The following PHACTR2 variants were observed in gnomAD, a reference collection of about 807,000 sequenced individuals.
PHACTR2 encodes phosphatase and actin regulator 2, also known as chromosome 6 open reading frame 56.
In PHACTR2, 30 loss-of-function variants were observed where a neutral mutation model predicts 76.0. The observed-to-expected ratio is 0.39, with a 90% CI of 0.30 to 0.54. The LOEUF is 0.54. PHACTR2 is among the 20% of genes least tolerant of loss of function. The pLI, the probability that PHACTR2 is intolerant of heterozygous loss-of-function variation, is 0.61. For missense variants in PHACTR2, 696 were observed against 781.1 expected (o/e 0.89, Z 1.30); for synonymous variants, 292 against 292.5 (o/e 1.00, Z 0.02).
intron 1 of PHACTR2, among the ~76,000 whole-genome samples, chr6:143,587,521 G>A (rs1434964891): frequency 1.3e-5 from 2 of 152,258 alleles, no homozygotes; most frequent in African/African-American, 4.8e-5. Flanking sequence ...CACTGCAGCC[G>A]CAAGCACTGC....
chr6:143,788,807 C>T lies in PHACTR2; in HGVS notation c.1742C>T (p.Ala581Val). Residue 581 changes from alanine (A) to valine (V), a missense_variant, in exon 11 of 13, where the codon GCT (alanine) becomes GTT (valine). Ala to Val is a moderately conservative substitution (Grantham distance 64). Transcript: ENST00000440869. ...AGACCCACAGTGGCAGAGCTACAAG[C>T]TCGAAGGATCCTGCGATTTAACGAG... The part of the protein sequence containing the change: ...SLRPTVAELQ[A>V]RRILRFNEYV... 6.2e-7 allele frequency: 1 copy of T among 1,613,588 alleles called. No homozygotes were observed. Among genetic ancestry groups the T allele is most frequent in the Non-Finnish European group, 8.5e-7 (1 of 1,179,596 alleles).
rs1776288358 is a variant in PHACTR2, at chr6:143,816,042, T to C, written c.1923-7632T>C. ...CCCCATTCCCTCCCTCTCAACAGTA[T>C]GAAAATAAGAAAAAATGTATTGCAG... On this transcript the variant is annotated intron_variant, in intron 12 of 12. Coordinates refer to ENST00000440869, the MANE Select transcript of PHACTR2 (RefSeq NM_001100164.2). The surrounding 1 kb of genome is among the most constrained non-coding windows in gnomAD (Gnocchi z 4.5). Among the ~76,000 whole-genome samples, 1 of 152,014 alleles carries C rather than the reference T, an allele frequency of 6.6e-6. No homozygotes were observed. Among genetic ancestry groups the C allele is most frequent in the Non-Finnish European group, 1.5e-5 (1 of 67,992 alleles).
intron 2 of PHACTR2, among the ~76,000 whole-genome samples, chr6:143,734,208 G>C (rs1401722880): frequency 6.6e-6 from 1 of 152,206 alleles, no homozygotes; most frequent in African/African-American, 2.4e-5. Context: ...GAAGTTAGTG[G>C]TTTTATAAAT....
At chr6:143,810,910 A>G (rs1039424223) in intron 12 of PHACTR2, among the ~76,000 whole-genome samples, 1 of 151,998 alleles carries the variant, frequency 6.6e-6, no homozygotes, top group Non-Finnish European at 1.5e-5. Context: ...CTTCTTAGAT[A>G]TCATGGATAT....
At chr6:143,545,191 C>T (rs535771968) in intron 1 of PHACTR2, among the ~76,000 whole-genome samples, 2 of 152,252 alleles carry the variant, frequency 1.3e-5, no homozygotes, top group East Asian at 3.9e-4. Context: ...GTGAGCCACC[C>T]ACCTAGGCCT....
rs1420195008 is a variant in PHACTR2 at position 143,750,792 on chromosome 6, A to G, written c.295+1727A>G. Among the ~76,000 whole-genome samples the G allele has an allele frequency of 1.3e-5, 2 of 152,242 alleles. No homozygotes were observed. The highest frequency in any genetic ancestry group is 2.9e-5 in the Non-Finnish European group (2 of 68,032). ...TTATTTAACTTTTCCAGTGGAAACT[A>G]AAAGTTTTAAAACATAAAAGAACAA... On this transcript the variant is annotated intron_variant, in intron 3 of 12. Transcript: ENST00000440869. The surrounding 1 kb of genome is among the most constrained non-coding windows in gnomAD (Gnocchi z 4.6).
chr6:143,610,141 C>T lies in PHACTR2; in HGVS notation c.13+1819C>T, dbSNP rs1267891212. Among the ~76,000 whole-genome samples, 1 of 152,140 alleles carries T rather than the reference C, an allele frequency of 6.6e-6. No homozygotes were observed. The highest frequency in any genetic ancestry group is 1.5e-5 in the Non-Finnish European group (1 of 68,022). On this transcript the variant is annotated intron_variant, in intron 1 of 11. Transcript: ENST00000305766. This position sits in a 1 kb window ranked among gnomAD's most constrained non-coding sequence, Gnocchi z 4.9. The stretch of plus-strand genomic sequence containing the variant: ...CTTATAATGGCTTATAATTGGCTGT[C>T]AGTGATCACTTTTCATGGTAATTTT...
chr6:143,548,877 G>A lies in PHACTR2; in HGVS notation c.217+11670G>A, dbSNP rs56324439. Among the ~76,000 whole-genome samples, 6,632 of 152,048 alleles carry A rather than the reference G, an allele frequency of 0.044. 257 individuals carry two copies. Among genetic ancestry groups the A allele is most frequent in the Middle Eastern group, 0.071 (21 of 294 alleles). On this transcript the variant is annotated intron_variant, in intron 1 of 11. Coordinates refer to the PHACTR2 transcript ENST00000367584. This position sits in a 1 kb window ranked among gnomAD's most constrained non-coding sequence, Gnocchi z 4.5. ...AAGTGGATGTTTCATTGCACCATAG[G>A]TGTTTTAGAGTTGTGGGGGAAACAA...
intron 2 of PHACTR2, among the ~76,000 whole-genome samples, chr6:143,744,066 C>T (rs1779001152): frequency 1.3e-5 from 2 of 152,224 alleles, no homozygotes; most frequent in Non-Finnish European, 1.5e-5. Context: ...GGAGCCCAGT[C>T]GTGTACTACA....
chr6:143,636,854 T>C (rs532661017), intron 1 of PHACTR2, among the ~76,000 whole-genome samples: 2 of 152,374 alleles, frequency 1.3e-5, no homozygotes, highest in Admixed American at 6.5e-5. Flanking sequence ...AAAGCATAAA[T>C]GTCGAGTCCT....
intron 1 of PHACTR2, among the ~76,000 whole-genome samples, chr6:143,560,927 T>TGTGTGTG (rs1486213555): frequency 1.3e-5 from 1 of 78,920 alleles, no homozygotes; most frequent in Non-Finnish European, 2.6e-5. Flanking sequence ...GTGTGTGTGT[T>TGTGTGTG]AGGTAGGAGA....
upstream of PHACTR2, among the ~76,000 whole-genome samples, chr6:143,675,680 T>C (rs558052101): frequency 7.9e-5 from 12 of 152,312 alleles, no homozygotes; most frequent in African/African-American, 2.9e-4. This position sits in a 1 kb window ranked among gnomAD's most constrained non-coding sequence, Gnocchi z 4.9. Context: ...TCCTCAGAGT[T>C]AGGTATTGGG....
upstream of PHACTR2, among the ~76,000 whole-genome samples, chr6:143,677,566 A>G (rs1028116021): frequency 6.6e-6 from 1 of 152,194 alleles, no homozygotes; most frequent in African/African-American, 2.4e-5. Context: ...AAAAAATTAT[A>G]TTTGTTAAAA....
At chr6:143,551,304 T>G (rs1289400722) in intron 1 of PHACTR2, among the ~76,000 whole-genome samples, 1 of 149,866 alleles carries the variant, frequency 6.7e-6, no homozygotes, top group Non-Finnish European at 1.5e-5. Context: ...AGAGTTTAAT[T>G]TTAAAATTAG....
At chr6:143,808,760 C>T (rs1185815039) in intron 12 of PHACTR2, among the ~76,000 whole-genome samples, 1 of 152,038 alleles carries the variant, frequency 6.6e-6, no homozygotes, top group African/African-American at 2.4e-5. Context: ...ACATGTAGAG[C>T]GTTCCAACAT....
In PHACTR2 at chr6:143,787,177, G is replaced by A. The variant is rs976214146; in HGVS notation, c.1708-1596G>A. ...CACCATACATAGCTCCATGCCGTAG[G>A]TGCAGGTCAGCCCGTAGCACTGGTA... On this transcript the variant is annotated intron_variant, in intron 10 of 12. Transcript: ENST00000440869. The surrounding 1 kb of genome is among the most constrained non-coding windows in gnomAD (Gnocchi z 4.6). 6.6e-6 allele frequency among the ~76,000 whole-genome samples: 1 copy of A among 152,210 alleles called. No homozygotes were observed. Among genetic ancestry groups the A allele is most frequent in the African/African-American group, 2.4e-5 (1 of 41,448 alleles).
In PHACTR2 at chr6:143,651,249, G is replaced by C. The variant is rs547606509; in HGVS notation, c.13+42927G>C. Among the ~76,000 whole-genome samples, 4 of 152,170 alleles carry C rather than the reference G, an allele frequency of 2.6e-5. No individual in the cohort carries two copies. In the South Asian group the frequency reaches 8.3e-4, roughly 32 times the overall value. ...ACTCTTACACTCTTGGTGGGAGTGT[G>C]AATTAGTTCAACCTTTGTGGAAGAC... On this transcript the variant is annotated intron_variant, in intron 1 of 11. Coordinates refer to the PHACTR2 transcript ENST00000305766.
intron 1 of PHACTR2, among the ~76,000 whole-genome samples, chr6:143,638,665 A>G (rs116646248): frequency 1.2e-4 from 18 of 152,084 alleles, no homozygotes; most frequent in Admixed American, 3.3e-4. Context: ...CCAAATGTAT[A>G]TTTGCTTAAG....
intron 1 of PHACTR2, among the ~76,000 whole-genome samples, chr6:143,588,517 G>A (rs1442189370): frequency 1.3e-5 from 2 of 152,188 alleles, no homozygotes; most frequent in Non-Finnish European, 2.9e-5. Context: ...GTCTTGCAGA[G>A]CAGAGTTTGA....
Sources: gnomAD v4.1 joint callset for allele counts (sites outside exome capture counted in the v4.1 genomes callset) on GRCh38, gnomAD v4.1.1 for gene constraint, Gnocchi (gnomAD v3.1) non-coding constraint, MANE v1.5 for transcripts, NCBI Gene and HGNC (gene_info 2026-07-23, HGNC 2026-07-21) for gene names.